EVA1A: variants seen among roughly 807,000 people sequenced by gnomAD.
EVA1A encodes the protein protein eva-1 homolog A.
In EVA1A, 7 loss-of-function variants were observed where a neutral mutation model predicts 9.8. The observed-to-expected ratio is 0.71, with a 90% CI of 0.41 to 1.34. The LOEUF is 1.34. Ranked by LOEUF, EVA1A falls within the 40% of genes most tolerant of loss-of-function variation. The pLI is 0.01. For missense variants in EVA1A, 206 were observed against 205.9 expected, an observed-to-expected ratio of 1.00 and a Z score of 0.00; for synonymous variants, 90 against 85.6, an observed-to-expected ratio of 1.05 and a Z score of -0.28.
chr2:75,492,873 A>C lies in EVA1A; in HGVS notation c.*363T>G. On this transcript the variant is annotated 3_prime_UTR_variant, in exon 4 of 4. Coordinates refer to ENST00000393913, the MANE Select transcript of EVA1A (RefSeq NM_001135032.2). ...CCCTGCTATTCCCAGCCCTCATGCT[A>C]TAATGATCTTTCCTTTTGCAAAGGA... 4.6e-6 allele frequency: 1 copy of C among 219,352 alleles called. No individual in the cohort carries two copies. Among genetic ancestry groups the C allele is most frequent in the Non-Finnish European group, 9.0e-6 (1 of 111,400 alleles). 13.6% of individuals were successfully genotyped at this position (219,352 alleles called of 1,614,324 possible). A position where few individuals can be genotyped will look rare whatever the true frequency, so the allele number is the denominator to read the frequency against.
chr2:75,566,124 G>A (rs76628914), intron 1 of EVA1A, among the ~76,000 whole-genome samples: 2,644 of 152,224 alleles, frequency 0.017, 80 homozygotes, highest in African/African-American at 0.06. Context: ...TTCCACGACA[G>A]CCTGCTGAAA....
At chr2:75,528,495 C>T (rs186227288) in intron 1 of EVA1A, among the ~76,000 whole-genome samples, 140 of 152,212 alleles carry the variant, frequency 9.2e-4, no homozygotes, top group Non-Finnish European at 4.6e-4. Context: ...CTGTCACTGC[C>T]GGCTTTCCCC....
chr2:75,503,036 C>T (rs1674483515), intron 3 of EVA1A, among the ~76,000 whole-genome samples: 1 of 152,194 alleles, frequency 6.6e-6, no homozygotes, highest in African/African-American at 2.4e-5. Context: ...TCCACCTTGT[C>T]CTGCCTCCCA....
chr2:75,534,418 C>A (rs750870735), intron 1 of EVA1A, among the ~76,000 whole-genome samples: 6 of 150,860 alleles, frequency 4.0e-5, no homozygotes, highest in Non-Finnish European at 8.8e-5. Flanking sequence ...CCTGGAGCAA[C>A]CACTAGAAAA....
chr2:75,505,838 T>A (rs536988658), intron 3 of EVA1A, among the ~76,000 whole-genome samples: 29 of 152,272 alleles, frequency 1.9e-4, no homozygotes, highest in African/African-American at 5.5e-4. Context: ...GGAATTTTTT[T>A]AATTATAAAA....
At chr2:75,532,237 TA>T (rs1211836178) in intron 1 of EVA1A, among the ~76,000 whole-genome samples, 1 of 121,166 alleles carries the variant, frequency 8.3e-6, no homozygotes, top group East Asian at 2.6e-4. Context: ...ACGATTGAAA[TA>T]AAAAACATTT....
At chr2:75,514,194 C>T (rs1221609806) in intron 3 of EVA1A, among the ~76,000 whole-genome samples, 2 of 152,092 alleles carry the variant, frequency 1.3e-5, no homozygotes, top group African/African-American at 2.4e-5. Context: ...GGACGCCATA[C>T]ATTTTAAGAG....
chr2:75,543,241 G>A lies in EVA1A; in HGVS notation c.-192+17439C>T, dbSNP rs79209132. ...ACAGACTTGTGGATCCTTAATTCAG[G>A]ACATTTTAAAAAGGCAATCACTTGC... On this transcript the variant is annotated intron_variant, in intron 1 of 3. Coordinates refer to ENST00000393913, the MANE Select transcript of EVA1A (RefSeq NM_001135032.2). 4.6e-5 allele frequency among the ~76,000 whole-genome samples: 7 copies of A among 152,192 alleles called. No individual in the cohort carries two copies. In the East Asian group the frequency reaches 1.4e-3, roughly 29 times the overall value.
chr2:75,532,109 G>A (rs150668389), intron 1 of EVA1A, among the ~76,000 whole-genome samples: 7 of 133,280 alleles, frequency 5.3e-5, no homozygotes, highest in South Asian at 2.5e-4. Flanking sequence ...GCAGTGAGCC[G>A]AGATCAGGCC....
intron 3 of EVA1A, among the ~76,000 whole-genome samples, chr2:75,503,112 G>A (rs770755352): frequency 3.3e-5 from 5 of 152,178 alleles, no homozygotes; most frequent in Non-Finnish European, 7.3e-5. Flanking sequence ...CCCAGTAAGA[G>A]CAACCAGACT....
chr2:75,538,775 A>G (rs1332662782), intron 1 of EVA1A, among the ~76,000 whole-genome samples: 1 of 152,252 alleles, frequency 6.6e-6, no homozygotes, highest in Non-Finnish European at 1.5e-5. Context: ...CATTTATACA[A>G]CATTCTTGAA....
At chr2:75,503,762 G>A (rs897749975) in intron 3 of EVA1A, among the ~76,000 whole-genome samples, 1 of 152,210 alleles carries the variant, frequency 6.6e-6, no homozygotes, top group Non-Finnish European at 1.5e-5. Flanking sequence ...AACAGGCTGG[G>A]AAAGGTGAGT....
At chr2:75,530,605 A>ATAAATGT (rs1675612381) in intron 1 of EVA1A, among the ~76,000 whole-genome samples, 1 of 152,216 alleles carries the variant, frequency 6.6e-6, no homozygotes, top group Admixed American at 6.5e-5. Context: ...AACATACACA[A>ATAAATGT]GTCAATAAAT....
chr2:75,524,303 C>T (rs1422078146), intron 1 of EVA1A, among the ~76,000 whole-genome samples: 1 of 152,052 alleles, frequency 6.6e-6, no homozygotes, highest in African/African-American at 2.4e-5. Flanking sequence ...TAAACGTGCT[C>T]CCCAAGCTCT....
chr2:75,522,962 C>T (rs997672321), intron 1 of EVA1A, among the ~76,000 whole-genome samples: 10 of 152,180 alleles, frequency 6.6e-5, no homozygotes, highest in Non-Finnish European at 4.4e-5. Flanking sequence ...ATGTAGATTC[C>T]GACACCCTAT....
intron 1 of EVA1A, among the ~76,000 whole-genome samples, chr2:75,553,586 G>A (rs1389233690): frequency 6.6e-6 from 1 of 152,188 alleles, no homozygotes; most frequent in Non-Finnish European, 1.5e-5. Context: ...TTGGCAGCTT[G>A]AGCTGAGCAG....
intron 1 of EVA1A, among the ~76,000 whole-genome samples, chr2:75,568,139 G>T (rs1677060504): frequency 6.6e-6 from 1 of 152,014 alleles, no homozygotes; most frequent in South Asian, 2.1e-4. Flanking sequence ...GCTTTTCTCT[G>T]TGCCAAAGCC....
At chr2:75,505,608 C>T (rs1016929598) in intron 3 of EVA1A, among the ~76,000 whole-genome samples, 1 of 151,918 alleles carries the variant, frequency 6.6e-6, no homozygotes, top group Non-Finnish European at 1.5e-5. Context: ...GTCAGGAGTT[C>T]AATACCAGCC....
intron 1 of EVA1A, among the ~76,000 whole-genome samples, chr2:75,546,158 C>T (rs1304475032): frequency 6.6e-6 from 1 of 152,172 alleles, no homozygotes; most frequent in African/African-American, 2.4e-5. Flanking sequence ...CTCCTAGCAA[C>T]AGTAGGGAGC....
Sources: allele counts gnomAD v4.1 joint callset (sites outside exome capture counted in the v4.1 genomes callset), GRCh38; gene constraint gnomAD v4.1.1; transcripts MANE v1.5; gene names NCBI Gene and HGNC (gene_info 2026-07-23, HGNC 2026-07-21).